The following FBXL13 variants were observed in gnomAD, a reference collection of about 807,000 sequenced individuals.
The protein encoded by FBXL13 is F-box and leucine rich repeat protein 13, also known as F-box and leucine-rich repeat protein 13.
A neutral mutation model predicts 83.6 loss-of-function variants in FBXL13; 67 were observed. The observed-to-expected ratio is 0.80, with a 90% CI of 0.66 to 0.98. The LOEUF (loss-of-function observed/expected upper bound fraction) is 0.98, where lower values mean the gene tolerates loss of function less well. Among genes scored for constraint, FBXL13 ranks in the 50% least tolerant of loss-of-function variants. FBXL13 has a pLI of 0.00. For synonymous variants in FBXL13, 272 were observed against 299.5 expected, an observed-to-expected ratio of 0.91 and a Z score of 0.95; for missense variants, 822 against 866.5, an observed-to-expected ratio of 0.95 and a Z score of 0.64.
At chr7:103,024,855 A>T (rs201373845) in intron 6 of FBXL13, among the ~76,000 whole-genome samples, 11,123 of 85,076 alleles carry the variant, frequency 0.13, 953 homozygotes, top group African/African-American at 0.21. Flanking sequence ...ATATATATAT[A>T]TATTTTTTTT....
In FBXL13 at chr7:102,890,917, T is replaced by A. The variant is rs916161182; in HGVS notation, c.1009-6605A>T. On this transcript the variant is annotated intron_variant, in intron 11 of 19. Coordinates refer to ENST00000313221, the Ensembl canonical transcript of FBXL13. ...TTCTCACAGCACTGCATCCAATGAC[T>A]AATAGGTAGTGTGATGACTTTAGTA... Among the ~76,000 whole-genome samples, 3 of 152,310 alleles carry A rather than the reference T, an allele frequency of 2.0e-5. No homozygotes were observed. In the East Asian group the frequency reaches 5.8e-4, roughly 29 times the overall value.
intron 17 of FBXL13, among the ~76,000 whole-genome samples, chr7:102,836,771 G>T (rs1462164896): frequency 6.6e-6 from 1 of 152,126 alleles, no homozygotes; most frequent in African/African-American, 2.4e-5. Flanking sequence ...AGAGGAGACT[G>T]AATTTCACTC....
At chr7:102,885,802 G>T (rs1810718022) in intron 11 of FBXL13, among the ~76,000 whole-genome samples, 1 of 152,138 alleles carries the variant, frequency 6.6e-6, no homozygotes, top group South Asian at 2.1e-4. Flanking sequence ...TATACATAGT[G>T]TGAGGTAGGG....
chr7:102,860,367 T>C (rs1397147097), intron 16 of FBXL13, among the ~76,000 whole-genome samples: 1 of 152,190 alleles, frequency 6.6e-6, no homozygotes, highest in African/African-American at 2.4e-5. Flanking sequence ...AAGGAGATTT[T>C]GAATCAAGCC....
At chr7:102,967,927 A>G (rs1364047620) in intron 7 of FBXL13, 95 bp downstream of exon 8, 3 of 847,950 alleles carry the variant, frequency 3.5e-6, no homozygotes, top group Non-Finnish European at 5.7e-6. Flanking sequence ...ACCACAGAGC[A>G]TGGAAGAAGG....
At chr7:103,043,685 T>G (rs1360762450) in intron 2 of FBXL13, among the ~76,000 whole-genome samples, 2 of 152,098 alleles carry the variant, frequency 1.3e-5, no homozygotes, top group African/African-American at 4.8e-5. Flanking sequence ...CTAATTTTTT[T>G]GCATTTTTAG....
intron 16 of FBXL13, among the ~76,000 whole-genome samples, chr7:102,856,154 G>A (rs1397682035): frequency 6.6e-6 from 1 of 151,982 alleles, no homozygotes; most frequent in Non-Finnish European, 1.5e-5. Flanking sequence ...TTTGATTGTT[G>A]ACTGTGGATT....
rs61414918 is a variant in FBXL13 at position 103,033,786 on chromosome 7, G to A, written c.1-4368C>T. Among the ~76,000 whole-genome samples the A allele has an allele frequency of 9.9e-3, 1,511 of 152,194 alleles. 22 individuals carry two copies. Among genetic ancestry groups the A allele is most frequent in the African/African-American group, 0.034 (1,412 of 41,522 alleles). ...CCACAGTGTGGAAGGGGACCCCAGCGGGTTCCCAATGCTGGCTCGGGCAGC... is the reference window on the plus strand; with the variant it reads ...CCACAGTGTGGAAGGGGACCCCAGCAGGTTCCCAATGCTGGCTCGGGCAGC... On this transcript the variant is annotated intron_variant, in intron 2 of 19. Transcript: ENST00000313221.
chr7:102,817,367 A>T (rs1370286596), intron 19 of FBXL13, among the ~76,000 whole-genome samples: 3 of 152,084 alleles, frequency 2.0e-5, no homozygotes, highest in Non-Finnish European at 4.4e-5. Flanking sequence ...AGTGATGTTG[A>T]GCATTTTTTC....
intron 8 of FBXL13, among the ~76,000 whole-genome samples, chr7:102,938,891 T>G (rs1165360121): frequency 6.6e-6 from 1 of 152,232 alleles, no homozygotes; most frequent in African/African-American, 2.4e-5. Context: ...TACCCAGGAC[T>G]GCTGCTGACA....
intron 6 of FBXL13, among the ~76,000 whole-genome samples, chr7:103,000,149 C>T (rs1286194765): frequency 1.3e-5 from 2 of 151,866 alleles, no homozygotes; most frequent in African/African-American, 4.8e-5. Context: ...ATCTTAATTT[C>T]TTCACTGACC....
chr7:102,990,249 CTGGGTGTGAGGAGAGA>C (rs565501820), intron 6 of FBXL13, among the ~76,000 whole-genome samples: 210 of 152,208 alleles, frequency 1.4e-3, no homozygotes, highest in African/African-American at 3.3e-3. Context: ...GAGCCAACAT[CTGGGTGTGAGGAGAGA>C]GCAAGAAACC....
chr7:102,865,624 C>T (rs904029761), intron 16 of FBXL13, among the ~76,000 whole-genome samples: 1 of 152,068 alleles, frequency 6.6e-6, no homozygotes, highest in Non-Finnish European at 1.5e-5. Context: ...TCACTGCAAC[C>T]TCTCCCTCCC....
intron 2 of FBXL13, among the ~76,000 whole-genome samples, chr7:103,048,176 C>T (rs1796462804): frequency 6.6e-6 from 1 of 151,990 alleles, no homozygotes; most frequent in South Asian, 2.1e-4. Context: ...TCAGAAAAGA[C>T]CATTTTAAAG....
intron 6 of FBXL13, among the ~76,000 whole-genome samples, chr7:102,985,520 G>A (rs1828838031): frequency 6.6e-6 from 1 of 152,188 alleles, no homozygotes; most frequent in Non-Finnish European, 1.5e-5. Flanking sequence ...GAGTAGATGG[G>A]ATTTGTGTTC....
At chr7:102,843,474 G>A (rs1032620832) in intron 17 of FBXL13, among the ~76,000 whole-genome samples, 1 of 151,846 alleles carries the variant, frequency 6.6e-6, no homozygotes, top group Non-Finnish European at 1.5e-5. Context: ...AAAAAAACCT[G>A]CCACAGCTTT....
intron 6 of FBXL13, among the ~76,000 whole-genome samples, chr7:103,007,489 A>G (rs1791109625): frequency 6.6e-6 from 1 of 152,186 alleles, no homozygotes; most frequent in Non-Finnish European, 1.5e-5. Context: ...CTAGAATTCT[A>G]TAACTACAGG....
At chr7:102,816,803 T>C (rs1798072564) in intron 19 of FBXL13, among the ~76,000 whole-genome samples, 1 of 152,226 alleles carries the variant, frequency 6.6e-6, no homozygotes, top group African/African-American at 2.4e-5. Context: ...GTGTTTATTG[T>C]TTCCATCTTT....
intron 6 of FBXL13, among the ~76,000 whole-genome samples, chr7:102,992,408 A>C (rs990075113): frequency 1.3e-5 from 2 of 152,162 alleles, no homozygotes; most frequent in Non-Finnish European, 2.9e-5. Context: ...CAGCTGTCAC[A>C]CAGCTAGTGA....
Sources: gnomAD v4.1 joint callset for allele counts (sites outside exome capture counted in the v4.1 genomes callset) on GRCh38, gnomAD v4.1.1 for gene constraint, MANE v1.5 for transcripts, NCBI Gene and HGNC (gene_info 2026-07-23, HGNC 2026-07-21) for gene names.